Variants in APOBEC2 observed in about 807,000 individuals in gnomAD.
APOBEC2 encodes C->U-editing enzyme APOBEC-2.
In APOBEC2, 14 loss-of-function variants were observed where a neutral mutation model predicts 19.4. That is an observed-to-expected ratio of 0.72 (90% CI 0.48 to 1.13). APOBEC2 has a LOEUF of 1.13. Among genes scored for constraint, APOBEC2 ranks in the 50% most tolerant of loss-of-function variants. APOBEC2 has a pLI of 0.00. For synonymous variants in APOBEC2, 127 were observed against 112.1 expected (o/e 1.13, Z -0.84); for missense variants, 304 against 277.0 (o/e 1.10, Z -0.69).
Position 41,064,651 on chromosome 6 carries a change from A to C in APOBEC2, c.*572A>C, listed in dbSNP as rs544617762. ...AAGACTTGCCTAGACAATGCAGAATAACTCTCCCATACAGACTTCTTACGA... is the reference window on the plus strand; with the variant it reads ...AAGACTTGCCTAGACAATGCAGAATCACTCTCCCATACAGACTTCTTACGA... On this transcript the variant is annotated 3_prime_UTR_variant, in exon 3 of 3. Coordinates refer to ENST00000244669, the MANE Select transcript of APOBEC2 (RefSeq NM_006789.4). The C allele has an allele frequency of 1.3e-5, 2 of 152,266 alleles. No homozygotes were observed. The highest frequency in any genetic ancestry group is 4.1e-4 in the South Asian group (2 of 4,830). The allele number at this position is 152,266 out of a possible 1,614,324, so 9.4% of individuals were successfully genotyped here. A position where few individuals can be genotyped will look rare whatever the true frequency, so the allele number is the denominator to read the frequency against.
At chr6:41,055,819 T>C (rs1762788070) in intron 1 of APOBEC2, among the ~76,000 whole-genome samples, 1 of 152,232 alleles carries the variant, frequency 6.6e-6, no homozygotes, top group Non-Finnish European at 1.5e-5. Context: ...AGCCAGTTCC[T>C]GTTGGTTCAC....
Position 41,061,448 on chromosome 6 carries a change from G to A in APOBEC2, c.252G>A (p.Gln84=), listed in dbSNP as rs564902646. Residue 84 remains glutamine, a synonymous_variant, in exon 2 of 3, where the codon CAG becomes CAA. Transcript: ENST00000244669. ...VEAQGKGGQV[Q]ASRGYLEDEH... is the part of the protein sequence containing the mutation. ...CACAGGGCAAGGGGGGCCAAGTGCAGGCATCTCGGGGATACCTAGAGGATG... is the reference window on the plus strand; with the variant it reads ...CACAGGGCAAGGGGGGCCAAGTGCAAGCATCTCGGGGATACCTAGAGGATG... 1.1e-5 allele frequency: 17 copies of A among 1,613,498 alleles called. No homozygotes were observed. In the East Asian group the frequency reaches 3.1e-4, roughly 30 times the overall value.
intron 1 of APOBEC2, among the ~76,000 whole-genome samples, chr6:41,056,869 C>T (rs879838101): frequency 1.1e-4 from 17 of 152,110 alleles, no homozygotes; most frequent in South Asian, 1.0e-3. Context: ...GGGTGTATGA[C>T]GATCCAGCAA....
rs1762755454 is a variant in APOBEC2 at position 41,053,410 on chromosome 6, G to A, written c.63G>A (p.Leu21=). 1 of 1,614,078 alleles carries A rather than the reference G, an allele frequency of 6.2e-7. No homozygotes were observed. ...TEAASQNGED[L]ENLDDPEKLK... ...CTGCCTCCCAGAATGGGGAGGATCTGGAGAACCTGGACGACCCTGAGAAGC... is the reference window on the plus strand; with the variant it reads ...CTGCCTCCCAGAATGGGGAGGATCTAGAGAACCTGGACGACCCTGAGAAGC... The change falls in exon 1 of 3, where the codon CTG becomes CTA. Residue 21 remains leucine (L), a synonymous_variant. Transcript: ENST00000244669.
At position 41,058,714 on chromosome 6, in the gene APOBEC2, G is replaced by A. The variant is rs9381029; in HGVS notation, c.132-2614G>A. On this transcript the variant is annotated intron_variant, in intron 1 of 2. Transcript: ENST00000244669. ...TGTTCTCCTGGTTTCCCCCCAGGAC[G>A]TAGCTATTTCGGTCTGTGAGAGGCC... is the stretch of plus-strand genomic sequence containing the variant. Among the ~76,000 whole-genome samples, 590 of 152,032 alleles carry A rather than the reference G, an allele frequency of 3.9e-3. 11 individuals carry two copies. The South Asian group carries it at 0.061, about 16-fold the overall frequency.
chr6:41,057,853 C>T (rs868857176), intron 1 of APOBEC2, among the ~76,000 whole-genome samples: 32 of 152,282 alleles, frequency 2.1e-4, no homozygotes, highest in South Asian at 1.2e-3. Flanking sequence ...ACTCACATCC[C>T]TTCTCCCTCC....
At chr6:41,060,888 G>A (rs186882430) in intron 1 of APOBEC2, among the ~76,000 whole-genome samples, 2 of 152,366 alleles carry the variant, frequency 1.3e-5, no homozygotes, top group Admixed American at 1.3e-4. Flanking sequence ...GAATCATCCA[G>A]AGAGCTTTTT....
At chr6:41,053,847 G>A (rs1581987726) in intron 1 of APOBEC2, among the ~76,000 whole-genome samples, 1 of 152,182 alleles carries the variant, frequency 6.6e-6, no homozygotes, top group African/African-American at 2.4e-5. Flanking sequence ...TCTATATGTG[G>A]CTCCGTTCAA....
intron 2 of APOBEC2, among the ~76,000 whole-genome samples, chr6:41,062,800 A>G (rs556960056): frequency 4.6e-5 from 7 of 152,320 alleles, no homozygotes; most frequent in Middle Eastern, 3.4e-3. Context: ...TACCCTCAGG[A>G]AAGAGGGCTA....
At chr6:41,058,114 C>A (rs973245508) in intron 1 of APOBEC2, among the ~76,000 whole-genome samples, 1 of 151,088 alleles carries the variant, frequency 6.6e-6, no homozygotes, top group African/African-American at 2.4e-5. Flanking sequence ...CTACCAGCAT[C>A]TCTCTCCTGA....
chr6:41,053,902 C>T (rs1044284376), intron 1 of APOBEC2, among the ~76,000 whole-genome samples: 7 of 152,174 alleles, frequency 4.6e-5, no homozygotes, highest in Non-Finnish European at 7.3e-5. Context: ...TGGGTCTCTC[C>T]GCTAGCCATA....
Position 41,061,544 on chromosome 6 carries a change from G to A in APOBEC2, c.348G>A (p.Arg116=), listed in dbSNP as rs1762873174. Residue 116 remains arginine (R), a synonymous_variant, in exon 2 of 3, where the codon CGG becomes CGA. Transcript: ENST00000244669. ...TGCCAGCCTTCGACCCAGCCCTGCGGTACAATGTCACCTGGTATGTGTCCT... is the reference window on the plus strand; with the variant it reads ...TGCCAGCCTTCGACCCAGCCCTGCGATACAATGTCACCTGGTATGTGTCCT... ...TILPAFDPAL[R]YNVTWYVSSS... The A allele has an allele frequency of 1.4e-5, 22 of 1,614,104 alleles. No individual in the cohort carries two copies. In the East Asian group the frequency reaches 4.7e-4, roughly 34 times the overall value.
intron 1 of APOBEC2, among the ~76,000 whole-genome samples, chr6:41,057,076 A>G (rs1337191806): frequency 6.6e-6 from 1 of 152,188 alleles, no homozygotes; most frequent in East Asian, 1.9e-4. Context: ...TTTTTACAGA[A>G]AGCAGAACCT....
intron 1 of APOBEC2, among the ~76,000 whole-genome samples, chr6:41,055,835 T>C (rs1581988599): frequency 6.6e-6 from 1 of 152,322 alleles, no homozygotes; most frequent in Non-Finnish European, 1.5e-5. Context: ...TTCACAAGTC[T>C]CTTCCCTACT....
intron 1 of APOBEC2, among the ~76,000 whole-genome samples, chr6:41,058,123 G>A (rs1425598356): frequency 6.9e-6 from 1 of 145,646 alleles, no homozygotes; most frequent in Admixed American, 7.0e-5. Context: ...TCTCTCTCCT[G>A]ACCACCACCC....
At position 41,053,351 on chromosome 6, in the gene APOBEC2, G is replaced by A. The variant is rs1332201787; in HGVS notation, c.4G>A (p.Ala2Thr). The A allele has an allele frequency of 2.5e-6, 4 of 1,612,910 alleles. No individual in the cohort carries two copies. The highest frequency in any genetic ancestry group is 3.3e-5 in the Admixed American group (2 of 59,980). Residue 2 changes from alanine to threonine, a missense_variant, in exon 1 of 3, where the codon GCC (alanine) becomes ACC (threonine). Physicochemically the swap from Ala to Thr is moderately conservative, Grantham distance 58. Transcript: ENST00000244669. Reference sequence around the variant, plus strand: ...ACTCCTGAGCCACAGCCCCTCCATGGCCCAGAAGGAAGAGGCTGCTGTGGC... The same window carrying A: ...ACTCCTGAGCCACAGCCCCTCCATGACCCAGAAGGAAGAGGCTGCTGTGGC... M[A>T]QKEEAAVATE...
rs1320791204 is a variant in APOBEC2 at position 41,064,728 on chromosome 6, GT to G, written c.*650del. 1 of 152,184 alleles carries G rather than the reference GT, an allele frequency of 6.6e-6. No individual in the cohort carries two copies. Among genetic ancestry groups the G allele is most frequent in the Non-Finnish European group, 1.5e-5 (1 of 68,040 alleles). The allele number at this position is 152,184 out of a possible 1,614,324, so 9.4% of individuals were successfully genotyped here. A position where few individuals can be genotyped will look rare whatever the true frequency, so the allele number is the denominator to read the frequency against. ...CTGAAGGCAAGTAATAGGGCAGAAG[GT>G]GGAACAAAAAGCATGAGAAATCTAA... is the stretch of plus-strand genomic sequence containing the variant. On this transcript the variant is annotated 3_prime_UTR_variant, in exon 3 of 3. Transcript: ENST00000244669.
chr6:41,058,445 C>A (rs1232893555), intron 1 of APOBEC2, among the ~76,000 whole-genome samples: 6 of 151,918 alleles, frequency 3.9e-5, no homozygotes, highest in South Asian at 2.1e-4. Flanking sequence ...ACACACACCC[C>A]CACCCCTTTA....
At chr6:41,054,631 A>G (rs892506689) in intron 1 of APOBEC2, among the ~76,000 whole-genome samples, 9 of 152,184 alleles carry the variant, frequency 5.9e-5, no homozygotes, top group Admixed American at 2.0e-4. Context: ...TCCTGAGGCA[A>G]GAGTAGCCCC....
Sources: gnomAD v4.1 joint callset for allele counts (sites outside exome capture counted in the v4.1 genomes callset) on GRCh38, gnomAD v4.1.1 for gene constraint, MANE v1.5 for transcripts, NCBI Gene and HGNC (gene_info 2026-07-23, HGNC 2026-07-21) for gene names.